Variants in OSBPL3 observed in about 807,000 individuals in gnomAD.
The protein encoded by OSBPL3 is oxysterol-binding protein-related protein 3.
In OSBPL3, 65 loss-of-function variants were observed where a neutral mutation model predicts 120.1. That is an observed-to-expected ratio of 0.54 (90% CI 0.44 to 0.67). The LOEUF (loss-of-function observed/expected upper bound fraction) is 0.67, where lower values mean the gene tolerates loss of function less well. Ranked by LOEUF, OSBPL3 falls within the 30% of genes least tolerant of loss-of-function variation. OSBPL3 has a pLI of 0.00. For synonymous variants in OSBPL3, 416 were observed against 402.6 expected (o/e 1.03, Z -0.40); for missense variants, 1,004 against 1,082.1 (o/e 0.93, Z 1.01).
rs117984710 is a variant in OSBPL3 at position 24,938,477 on chromosome 7, G to A, written c.-150+41409C>T. Reference sequence around the variant, plus strand: ...AGGTAGGCATTCCAAAGCTGATATGGCAGCTTCATGGTTATAATGACCAAA... The same window carrying A: ...AGGTAGGCATTCCAAAGCTGATATGACAGCTTCATGGTTATAATGACCAAA... On this transcript the variant is annotated intron_variant, in intron 1 of 22. Transcript: ENST00000313367. This position sits in a 1 kb window ranked among gnomAD's most constrained non-coding sequence, Gnocchi z 5.8. 0.019 allele frequency among the ~76,000 whole-genome samples: 2,899 copies of A among 152,300 alleles called. 39 individuals are homozygous for A. Among genetic ancestry groups the A allele is most frequent in the Non-Finnish European group, 0.03 (2,065 of 68,012 alleles).
Position 24,967,747 on chromosome 7 carries a change from C to A in OSBPL3, c.-150+12139G>T, listed in dbSNP as rs1016688055. ...CCCCTTTCTCTCCTGGGACCTGCCCCAAAGGTTCTATAGGTAAAGGCCCCC... is the reference window on the plus strand; with the variant it reads ...CCCCTTTCTCTCCTGGGACCTGCCCAAAAGGTTCTATAGGTAAAGGCCCCC... On this transcript the variant is annotated intron_variant, in intron 1 of 22. Transcript: ENST00000313367. The surrounding 1 kb of genome is among the most constrained non-coding windows in gnomAD (Gnocchi z 5.6). Among the ~76,000 whole-genome samples the A allele has an allele frequency of 8.5e-5, 13 of 152,116 alleles. No individual in the cohort carries two copies. Among genetic ancestry groups the A allele is most frequent in the African/African-American group, 3.1e-4 (13 of 41,410 alleles).
At chr7:24,923,036 C>T (rs1810588943) in intron 1 of OSBPL3, among the ~76,000 whole-genome samples, 1 of 152,198 alleles carries the variant, frequency 6.6e-6, no homozygotes, top group Non-Finnish European at 1.5e-5. Flanking sequence ...ACATACTTCC[C>T]CGCCCCAACA....
At chr7:24,876,664 T>G (rs973849382) in intron 2 of OSBPL3, among the ~76,000 whole-genome samples, 4 of 152,172 alleles carry the variant, frequency 2.6e-5, no homozygotes, top group African/African-American at 9.6e-5. Context: ...TTAAGCTGTA[T>G]CCACAATTCT....
At chr7:24,925,977 A>T (rs1810998480) in intron 1 of OSBPL3, among the ~76,000 whole-genome samples, 2 of 152,252 alleles carry the variant, frequency 1.3e-5, no homozygotes, top group South Asian at 4.1e-4. Flanking sequence ...GGATCCTTAA[A>T]TAGCTAGAGA....
chr7:24,851,802 A>G lies in OSBPL3; in HGVS notation c.1158+702T>C, dbSNP rs924426038. ...CATGGCACTTTAATGGAGCCTAACTATTCTGAGGAATTAATTGAAACTGAT... is the reference window on the plus strand; with the variant it reads ...CATGGCACTTTAATGGAGCCTAACTGTTCTGAGGAATTAATTGAAACTGAT... On this transcript the variant is annotated intron_variant, in intron 11 of 22. Coordinates refer to ENST00000313367, the MANE Select transcript of OSBPL3 (RefSeq NM_015550.4). The surrounding 1 kb of genome is among the most constrained non-coding windows in gnomAD (Gnocchi z 4.1). Among the ~76,000 whole-genome samples, 1 of 151,944 alleles carries G rather than the reference A, an allele frequency of 6.6e-6. No homozygotes were observed. Among genetic ancestry groups the G allele is most frequent in the Non-Finnish European group, 1.5e-5 (1 of 68,016 alleles).
Position 24,862,509 on chromosome 7 carries a change from C to T in OSBPL3, c.870+691G>A, listed in dbSNP as rs928995562. 1.3e-5 allele frequency among the ~76,000 whole-genome samples: 2 copies of T among 152,212 alleles called. No homozygotes were observed. Among genetic ancestry groups the T allele is most frequent in the African/African-American group, 4.8e-5 (2 of 41,464 alleles). On this transcript the variant is annotated intron_variant, in intron 9 of 22. Transcript: ENST00000313367. The surrounding 1 kb of genome is among the most constrained non-coding windows in gnomAD (Gnocchi z 4.4). ...TCATTTGTACATGGAACATTCTTTA[C>T]TTCCAAAGTGCTTATCTTCAGTCCA...
Position 24,959,315 on chromosome 7 carries a change from GA to G in OSBPL3, c.-150+20570del, listed in dbSNP as rs572996044. On this transcript the variant is annotated intron_variant, in intron 1 of 22. Transcript: ENST00000313367. This position sits in a 1 kb window ranked among gnomAD's most constrained non-coding sequence, Gnocchi z 4.3. ...GCACTAATCATAAAAACCCCAAACA[GA>G]AAAAAAAACAAATGTTTATCAATAG... is the stretch of plus-strand genomic sequence containing the variant. 6.7e-6 allele frequency among the ~76,000 whole-genome samples: 1 copy of G among 149,044 alleles called. No homozygotes were observed. The highest frequency in any genetic ancestry group is 2.5e-5 in the African/African-American group (1 of 40,514).
At chr7:24,980,810 C>T (rs777477727), upstream of OSBPL3, among the ~76,000 whole-genome samples, 1 of 151,910 alleles carries the variant, frequency 6.6e-6, no homozygotes, top group Non-Finnish European at 1.5e-5. Context: ...TTGTTCTGTG[C>T]AGTTTATGTG....
rs1469517764 is a variant in OSBPL3, at chr7:24,967,245, C to T, written c.-150+12641G>A. On this transcript the variant is annotated intron_variant, in intron 1 of 22. Transcript: ENST00000313367. This position sits in a 1 kb window ranked among gnomAD's most constrained non-coding sequence, Gnocchi z 5.6. The stretch of plus-strand genomic sequence containing the variant: ...TTAACACATATTCCCTTGCTCAAAA[C>T]ATTCTGTGGCTCTCCAATGGCCAGA... Among the ~76,000 whole-genome samples, 2 of 152,202 alleles carry T rather than the reference C, an allele frequency of 1.3e-5. No homozygotes were observed. Among genetic ancestry groups the T allele is most frequent in the Non-Finnish European group, 2.9e-5 (2 of 68,028 alleles).
chr7:24,897,235 C>T (rs1806277488), intron 1 of OSBPL3, among the ~76,000 whole-genome samples: 1 of 152,146 alleles, frequency 6.6e-6, no homozygotes, highest in Non-Finnish European at 1.5e-5. Flanking sequence ...CCTCCTCTCT[C>T]CTGGCTTCCT....
chr7:24,800,295 C>G lies in OSBPL3; in HGVS notation c.2568-16G>C. 2 of 1,483,160 alleles carry G rather than the reference C, an allele frequency of 1.3e-6. No individual in the cohort carries two copies. The highest frequency in any genetic ancestry group is 9.4e-7 in the Non-Finnish European group (1 of 1,061,768). The allele number at this position is 1,483,160 out of a possible 1,614,324, so 91.9% of individuals were successfully genotyped here. A position where few individuals can be genotyped will look rare whatever the true frequency, so the allele number is the denominator to read the frequency against. On this transcript the variant is annotated splice_polypyrimidine_tract_variant and intron_variant, in intron 22 of 22. Coordinates refer to ENST00000313367, the MANE Select transcript of OSBPL3 (RefSeq NM_015550.4). Reference sequence around the variant, plus strand: ...GTCGGATTTCCTGTGAAAGAAGAAACAATTTCTTGCAGACTCTTGAAACCA... The same window carrying G: ...GTCGGATTTCCTGTGAAAGAAGAAAGAATTTCTTGCAGACTCTTGAAACCA...
intron 5 of OSBPL3, 29 bp downstream of exon 5, chr7:24,870,703 G>T: frequency 1.5e-6 from 2 of 1,340,416 alleles, no homozygotes; most frequent in Non-Finnish European, 2.2e-6. Context: ...CAACATAAGT[G>T]AACTCTGCAC....
At chr7:24,859,740 C>T (rs1800269441) in intron 10 of OSBPL3, among the ~76,000 whole-genome samples, 1 of 152,134 alleles carries the variant, frequency 6.6e-6, no homozygotes, top group Non-Finnish European at 1.5e-5. Flanking sequence ...ACCTACTTCG[C>T]AGGCTGCAGC....
Position 24,806,215 on chromosome 7 carries a change from C to T in OSBPL3, c.2444+561G>A, listed in dbSNP as rs1270936780. On this transcript the variant is annotated intron_variant, in intron 21 of 22. Coordinates refer to ENST00000313367, the MANE Select transcript of OSBPL3 (RefSeq NM_015550.4). This position sits in a 1 kb window ranked among gnomAD's most constrained non-coding sequence, Gnocchi z 5.2. ...CAAGTGATCCGCCCGCTTCGGCCTCCCAAAGTGTTGTTTGTTTTTAATAAA... is the reference window on the plus strand; with the variant it reads ...CAAGTGATCCGCCCGCTTCGGCCTCTCAAAGTGTTGTTTGTTTTTAATAAA... Among the ~76,000 whole-genome samples, 1 of 152,202 alleles carries T rather than the reference C, an allele frequency of 6.6e-6. No homozygotes were observed. Among genetic ancestry groups the T allele is most frequent in the Admixed American group, 6.5e-5 (1 of 15,286 alleles).
At chr7:24,857,866 G>T (rs1445890510) in intron 10 of OSBPL3, among the ~76,000 whole-genome samples, 1 of 152,196 alleles carries the variant, frequency 6.6e-6, no homozygotes, top group Non-Finnish European at 1.5e-5. Flanking sequence ...ATCCAAAGGA[G>T]ACCATAGTCA....
rs1418170349 is a variant in OSBPL3 at position 24,937,169 on chromosome 7, A to G, written c.-150+42717T>C. 2.0e-5 allele frequency among the ~76,000 whole-genome samples: 3 copies of G among 152,174 alleles called. No individual in the cohort carries two copies. Among genetic ancestry groups the G allele is most frequent in the Non-Finnish European group, 1.5e-5 (1 of 68,030 alleles). On this transcript the variant is annotated intron_variant, in intron 1 of 22. Coordinates refer to ENST00000313367, the MANE Select transcript of OSBPL3 (RefSeq NM_015550.4). The surrounding 1 kb of genome is among the most constrained non-coding windows in gnomAD (Gnocchi z 4.0). ...AGAAATGCCGAGCAAAAGGGGGAAA[A>G]GGCCCTTATATTATAAAACCATCAG...
At chr7:24,859,456 C>A (rs1445343221) in intron 10 of OSBPL3, among the ~76,000 whole-genome samples, 1 of 152,070 alleles carries the variant, frequency 6.6e-6, no homozygotes, top group Non-Finnish European at 1.5e-5. Flanking sequence ...CCTATATATG[C>A]CCGAAATAGG....
At chr7:24,904,883 A>G (rs1584568662) in intron 1 of OSBPL3, among the ~76,000 whole-genome samples, 1 of 151,262 alleles carries the variant, frequency 6.6e-6, no homozygotes, top group South Asian at 2.1e-4. Flanking sequence ...TAATGGATAC[A>G]GAGTTTCAGT....
At chr7:24,828,607 AAAAAAAAAAAAAAAG>A (rs1263872626) in intron 16 of OSBPL3, among the ~76,000 whole-genome samples, 33 of 95,018 alleles carry the variant, frequency 3.5e-4, no homozygotes, top group Non-Finnish European at 6.4e-4. Context: ...ACTCTGTCTG[AAAAAAAAAAAAAAAG>A]AAAAAAAAAA....
Sources: allele counts gnomAD v4.1 joint callset (sites outside exome capture counted in the v4.1 genomes callset), GRCh38; gene constraint gnomAD v4.1.1; non-coding constraint Gnocchi (gnomAD v3.1); transcripts MANE v1.5; gene names NCBI Gene and HGNC (gene_info 2026-07-23, HGNC 2026-07-21).